PTPRD: variants seen among roughly 807,000 people sequenced by gnomAD.
PTPRD encodes the protein protein tyrosine phosphatase receptor type D, also known as receptor-type tyrosine-protein phosphatase delta.
Under a neutral mutation model 214.5 loss-of-function variants are expected in PTPRD, and 34 were observed. The ratio of observed to expected loss-of-function variants is 0.16; its 90% CI spans 0.12 to 0.21. The LOEUF (loss-of-function observed/expected upper bound fraction) is 0.21. Among genes scored for constraint, PTPRD ranks in the 10% least tolerant of loss-of-function variants. The probability of loss-of-function intolerance (pLI) is 1.00; values close to 1 mark genes in which losing one functional copy is unlikely to be tolerated. For synonymous variants in PTPRD, 1,128 were observed against 845.7 expected (o/e 1.33, Z -5.79); for missense variants, 2,545 against 2,398.7 (o/e 1.06, Z -1.27).
chr9:9,220,930 A>G (rs1259282997), intron 9 of PTPRD, among the ~76,000 whole-genome samples: 1 of 152,080 alleles, frequency 6.6e-6, no homozygotes, highest in East Asian at 1.9e-4. Flanking sequence ...TATGAGTAGG[A>G]AAGTAGGGGG....
chr9:8,315,907 G>C lies in PTPRD; in HGVS notation c.*1967C>G, dbSNP rs1587152651. 1.3e-5 allele frequency: 3 copies of C among 224,816 alleles called. No homozygotes were observed. Among genetic ancestry groups the C allele is most frequent in the East Asian group, 1.3e-4 (2 of 15,458 alleles). The allele number at this position is 224,816 out of a possible 1,614,324, so 13.9% of individuals were successfully genotyped here. A position where few individuals can be genotyped will look rare whatever the true frequency, so the allele number is the denominator to read the frequency against. The stretch of plus-strand genomic sequence containing the variant: ...ATGCCATCATCCATGGCTTCCTATA[G>C]AAATTCTGTTGGAAGAATTGGGGGT... On this transcript the variant is annotated 3_prime_UTR_variant, in exon 46 of 46. Transcript: ENST00000381196.
chr9:8,763,421 T>C (rs887901809), intron 11 of PTPRD, among the ~76,000 whole-genome samples: 1 of 151,906 alleles, frequency 6.6e-6, no homozygotes, highest in Non-Finnish European at 1.5e-5. Context: ...GGCTGAGGCA[T>C]GAGAACCACT....
At chr9:9,189,676 G>A (rs543062334) in intron 9 of PTPRD, among the ~76,000 whole-genome samples, 3 of 151,916 alleles carry the variant, frequency 2.0e-5, no homozygotes, top group African/African-American at 2.4e-5. Flanking sequence ...TTCTGTTTTT[G>A]TCCTCAGCAT....
At chr9:9,603,579 G>A (rs1422969119) in intron 7 of PTPRD, among the ~76,000 whole-genome samples, 1 of 152,188 alleles carries the variant, frequency 6.6e-6, no homozygotes, top group Non-Finnish European at 1.5e-5. Flanking sequence ...TGTGCCATCA[G>A]CAGTGACATT....
At chr9:8,816,779 T>C (rs1481487279) in intron 11 of PTPRD, among the ~76,000 whole-genome samples, 2 of 152,238 alleles carry the variant, frequency 1.3e-5, no homozygotes, top group Non-Finnish European at 2.9e-5. Context: ...CAAAAGCCTC[T>C]TGAAGTCTCT....
chr9:8,605,605 C>A (rs1312826896), intron 14 of PTPRD, among the ~76,000 whole-genome samples: 2 of 152,212 alleles, frequency 1.3e-5, no homozygotes, highest in Non-Finnish European at 2.9e-5. Context: ...AAGCCTCCAT[C>A]TCTACATAAA....
intron 9 of PTPRD, among the ~76,000 whole-genome samples, chr9:9,340,637 A>C (rs900432925): frequency 6.6e-6 from 1 of 152,194 alleles, no homozygotes; most frequent in East Asian, 1.9e-4. Flanking sequence ...TATCTGTTAG[A>C]ACTAAAGAGC....
intron 3 of PTPRD, among the ~76,000 whole-genome samples, chr9:10,166,638 G>A (rs2099160950): frequency 6.6e-6 from 1 of 151,926 alleles, no homozygotes; most frequent in African/African-American, 2.4e-5. Context: ...ACTCTGCTGT[G>A]AGTTCAAATC....
intron 8 of PTPRD, among the ~76,000 whole-genome samples, chr9:9,418,027 G>A (rs960451155): frequency 2.6e-5 from 4 of 151,890 alleles, no homozygotes; most frequent in African/African-American, 9.7e-5. Flanking sequence ...CTAAAAATTC[G>A]TTTTCTCTAT....
intron 5 of PTPRD, among the ~76,000 whole-genome samples, chr9:9,859,486 T>C (rs1365236007): frequency 6.6e-6 from 1 of 152,210 alleles, no homozygotes; most frequent in Non-Finnish European, 1.5e-5. Context: ...TTATGCATTA[T>C]TTAACATCCT....
In PTPRD at chr9:10,363,228, A is replaced by AT. The variant is rs531632298; in HGVS notation, c.-599-22212dup. Among the ~76,000 whole-genome samples, 55 of 152,346 alleles carry AT rather than the reference A, an allele frequency of 3.6e-4. 1 individual carries two copies. In the South Asian group the frequency reaches 0.011, roughly 29 times the overall value. On this transcript the variant is annotated intron_variant, in intron 2 of 45. Coordinates refer to ENST00000381196, the MANE Select transcript of PTPRD (RefSeq NM_002839.4). ...TCTTGAATGAGGCCTGAAGTTCCAC[A>AT]TTTTTAAGAAGTTCCCAGGTGAGGT... is the stretch of plus-strand genomic sequence containing the variant.
chr9:8,565,482 G>A (rs1371996988), intron 14 of PTPRD, among the ~76,000 whole-genome samples: 1 of 152,140 alleles, frequency 6.6e-6, no homozygotes, highest in African/African-American at 2.4e-5. Flanking sequence ...TCCTATGCAT[G>A]AGTAGTGTTT....
At chr9:8,572,761 T>C (rs943005381) in intron 14 of PTPRD, among the ~76,000 whole-genome samples, 3 of 152,042 alleles carry the variant, frequency 2.0e-5, no homozygotes, top group Non-Finnish European at 4.4e-5. Context: ...CGTAGCACAT[T>C]TCCACTACCT....
chr9:8,965,992 T>A (rs1455506160), intron 11 of PTPRD, among the ~76,000 whole-genome samples: 2 of 152,046 alleles, frequency 1.3e-5, no homozygotes, highest in African/African-American at 2.4e-5. Context: ...TATACACCAA[T>A]AATGATGAAG....
At chr9:8,660,575 C>T (rs1230162997) in intron 12 of PTPRD, among the ~76,000 whole-genome samples, 1 of 152,144 alleles carries the variant, frequency 6.6e-6, no homozygotes, top group South Asian at 2.1e-4. Flanking sequence ...CCCCAGCTGG[C>T]TCCCAGCCCC....
intron 12 of PTPRD, among the ~76,000 whole-genome samples, chr9:8,725,426 T>C (rs1400046382): frequency 6.6e-6 from 1 of 152,180 alleles, no homozygotes; most frequent in Non-Finnish European, 1.5e-5. Flanking sequence ...CATTTATTAA[T>C]GGGACTGTGA....
intron 9 of PTPRD, among the ~76,000 whole-genome samples, chr9:9,283,649 G>A (rs1364731935): frequency 6.6e-6 from 1 of 151,420 alleles, no homozygotes; most frequent in Non-Finnish European, 1.5e-5. Flanking sequence ...TAAGTGAACT[G>A]CATTTGAGAT....
chr9:8,663,556 T>A (rs1305119438), intron 12 of PTPRD, among the ~76,000 whole-genome samples: 1 of 152,142 alleles, frequency 6.6e-6, no homozygotes, highest in African/African-American at 2.4e-5. Context: ...AGTGGTGCGA[T>A]CTTGGCTCAC....
At chr9:10,432,248 G>A (rs1022699355) in intron 2 of PTPRD, among the ~76,000 whole-genome samples, 4 of 133,624 alleles carry the variant, frequency 3.0e-5, no homozygotes, top group African/African-American at 1.1e-4. Flanking sequence ...AGATCACATG[G>A]ACACAGGAAG....
Sources: gnomAD v4.1 joint callset for allele counts (sites outside exome capture counted in the v4.1 genomes callset) on GRCh38, gnomAD v4.1.1 for gene constraint, MANE v1.5 for transcripts, NCBI Gene and HGNC (gene_info 2026-07-23, HGNC 2026-07-21) for gene names.